Variants in PFN2 observed in about 807,000 individuals in gnomAD.
PFN2 encodes profilin 2.
PFN2 carries 8 observed loss-of-function variants against 15.3 expected under a neutral mutation model. The ratio of observed to expected loss-of-function variants is 0.52; its 90% CI spans 0.31 to 0.95. PFN2 has a LOEUF of 0.95. PFN2 is among the 40% of genes least tolerant of loss of function. The pLI, the probability that PFN2 is intolerant of heterozygous loss-of-function variation, is 0.05. For synonymous variants in PFN2, 79 were observed against 67.9 expected, an observed-to-expected ratio of 1.16 and a Z score of -0.81; for missense variants, 111 against 182.3, an observed-to-expected ratio of 0.61 and a Z score of 2.25.
At position 149,966,103 on chromosome 3, in the gene PFN2, A is replaced by G; in HGVS notation, c.*386T>C. The G allele has an allele frequency of 6.4e-7, 1 of 1,568,328 alleles. No individual in the cohort carries two copies. Among genetic ancestry groups the G allele is most frequent in the African/African-American group, 1.4e-5 (1 of 73,264 alleles). On this transcript the variant is annotated 3_prime_UTR_variant, in exon 3 of 3. Coordinates refer to ENST00000239940, the MANE Select transcript of PFN2 (RefSeq NM_053024.4). ...AATTAGCTACCATCTACAGTTTGGT[A>G]GCATTGTGACCATAATTAGGGTTGT...
In PFN2 at chr3:149,970,878, G is replaced by A; in HGVS notation, c.-22C>T. The A allele has an allele frequency of 3.0e-6, 4 of 1,344,108 alleles. No homozygotes were observed. The highest frequency in any genetic ancestry group is 6.6e-5 in the East Asian group (2 of 30,230). 83.3% of individuals were successfully genotyped at this position (1,344,108 alleles called of 1,614,324 possible). A position where few individuals can be genotyped will look rare whatever the true frequency, so the allele number is the denominator to read the frequency against. ...CCATCTTCGAGCCCTTCGCACTGCA[G>A]CGCGGACGGCGAGGAGCAGCAGGCG... On this transcript the variant is annotated 5_prime_UTR_variant, in exon 1 of 3. Transcript: ENST00000239940.
chr3:149,965,162 A>G lies in PFN2; in HGVS notation c.*1327T>C. ...AAGAAACCCTTAATAGGTCAGTTAA[A>G]ATCCATCTCACAATAGCAACAGTTC... On this transcript the variant is annotated 3_prime_UTR_variant, in exon 3 of 3. Coordinates refer to ENST00000239940, the MANE Select transcript of PFN2 (RefSeq NM_053024.4). 2 of 1,377,398 alleles carry G rather than the reference A, an allele frequency of 1.5e-6. No individual in the cohort carries two copies. Among genetic ancestry groups the G allele is most frequent in the Non-Finnish European group, 2.0e-6 (2 of 1,025,388 alleles). The allele number at this position is 1,377,398 out of a possible 1,614,324, so 85.3% of individuals were successfully genotyped here. A position where few individuals can be genotyped will look rare whatever the true frequency, so the allele number is the denominator to read the frequency against.
chr3:149,966,357 A>T lies in PFN2; in HGVS notation c.*132T>A. On this transcript the variant is annotated 3_prime_UTR_variant, in exon 3 of 3. Coordinates refer to ENST00000239940, the MANE Select transcript of PFN2 (RefSeq NM_053024.4). The stretch of plus-strand genomic sequence containing the variant: ...GACACCTTTCCCCACCAACAGAGGG[A>T]TACAAAGGAGACACAGGTTCATACC... 6.3e-7 allele frequency: 1 copy of T among 1,590,862 alleles called. No individual in the cohort carries two copies. Among genetic ancestry groups the T allele is most frequent in the Non-Finnish European group, 8.5e-7 (1 of 1,170,126 alleles).
rs573200914 is a variant in PFN2, at chr3:149,964,969, T to A, written c.*1520A>T. The A allele has an allele frequency of 8.1e-5, 33 of 409,468 alleles. 1 individual carries two copies. The highest frequency in any genetic ancestry group is 6.6e-4 in the Middle Eastern group (1 of 1,526). The allele number at this position is 409,468 out of a possible 1,614,324, so 25.4% of individuals were successfully genotyped here. ...GTGTTTAATAGTTATGGCATTTTTTTAAATGCATATTAAATCAGATGAGTT... is the reference window on the plus strand; with the variant it reads ...GTGTTTAATAGTTATGGCATTTTTTAAAATGCATATTAAATCAGATGAGTT... On this transcript the variant is annotated 3_prime_UTR_variant, in exon 3 of 3. Transcript: ENST00000239940.
At chr3:149,970,100 C>G (rs1422568282) in intron 1 of PFN2, among the ~76,000 whole-genome samples, 2 of 151,940 alleles carry the variant, frequency 1.3e-5, no homozygotes, top group Non-Finnish European at 2.9e-5. Flanking sequence ...TCGAGATTCA[C>G]GAATCCACCT....
Position 149,968,354 on chromosome 3 carries a change from T to G in PFN2, c.325+4A>C. The G allele has an allele frequency of 6.2e-7, 1 of 1,612,662 alleles. No individual in the cohort carries two copies. Among genetic ancestry groups the G allele is most frequent in the Non-Finnish European group, 8.5e-7 (1 of 1,179,126 alleles). On this transcript the variant is annotated splice_donor_region_variant and intron_variant, in intron 2 of 2. Transcript: ENST00000239940. The stretch of plus-strand genomic sequence containing the variant: ...AACTTTAACCAAAAGAATGCCTTAC[T>G]CACCTCTACCAGCTCTGCCGACAGC...
rs1722688840 is a variant in PFN2 at position 149,966,307 on chromosome 3, T to C, written c.*182A>G. On this transcript the variant is annotated 3_prime_UTR_variant, in exon 3 of 3. Transcript: ENST00000239940. ...ACAAAACAAAAGTGAACAGAATTAT[T>C]TTGGGGGGGGAGGGCAGAAAGAAAG... 2 of 1,607,788 alleles carry C rather than the reference T, an allele frequency of 1.2e-6. No homozygotes were observed. The highest frequency in any genetic ancestry group is 1.7e-6 in the Non-Finnish European group (2 of 1,177,412).
At position 149,970,882 on chromosome 3, in the gene PFN2, G is replaced by A. The variant is rs1339324412; in HGVS notation, c.-26C>T. 51 of 1,333,744 alleles carry A rather than the reference G, an allele frequency of 3.8e-5. No individual in the cohort carries two copies. Among genetic ancestry groups the A allele is most frequent in the Non-Finnish European group, 4.9e-5 (50 of 1,024,246 alleles). 82.6% of individuals were successfully genotyped at this position (1,333,744 alleles called of 1,614,324 possible). A position where few individuals can be genotyped will look rare whatever the true frequency, so the allele number is the denominator to read the frequency against. Reference sequence around the variant, plus strand: ...CTTCGAGCCCTTCGCACTGCAGCGCGGACGGCGAGGAGCAGCAGGCGCAGC... The same window carrying A: ...CTTCGAGCCCTTCGCACTGCAGCGCAGACGGCGAGGAGCAGCAGGCGCAGC... On this transcript the variant is annotated 5_prime_UTR_variant, in exon 1 of 3. Coordinates refer to ENST00000239940, the MANE Select transcript of PFN2 (RefSeq NM_053024.4).
In PFN2 at chr3:149,970,713, A is replaced by T; in HGVS notation, c.132+12T>A. On this transcript the variant is annotated intron_variant, in intron 1 of 2. Coordinates refer to ENST00000239940, the MANE Select transcript of PFN2 (RefSeq NM_053024.4). ...TGCAGGGACCAGGGTACCGGCCGCC[A>T]CTGGTCCTCACCGTAATGCTCTGAA... 1 of 1,499,326 alleles carries T rather than the reference A, an allele frequency of 6.7e-7. No homozygotes were observed. Among genetic ancestry groups the T allele is most frequent in the Admixed American group, 2.1e-5 (1 of 46,522 alleles). The allele number at this position is 1,499,326 out of a possible 1,614,324, so 92.9% of individuals were successfully genotyped here. A position where few individuals can be genotyped will look rare whatever the true frequency, so the allele number is the denominator to read the frequency against.
rs1441936549 is a variant in PFN2 at position 149,965,544 on chromosome 3, CA to C, written c.*944del. 5 of 1,305,928 alleles carry C rather than the reference CA, an allele frequency of 3.8e-6. No homozygotes were observed. In the Admixed American group the frequency reaches 1.8e-4, roughly 48 times the overall value. 80.9% of individuals were successfully genotyped at this position (1,305,928 alleles called of 1,614,324 possible). A position where few individuals can be genotyped will look rare whatever the true frequency, so the allele number is the denominator to read the frequency against. On this transcript the variant is annotated 3_prime_UTR_variant, in exon 3 of 3. Coordinates refer to ENST00000239940, the MANE Select transcript of PFN2 (RefSeq NM_053024.4). ...TTGCACTCTTCATATGTCCTGTAGA[CA>C]CTATGAATAAAGGTTTGTCTCTGCT...
rs190814438 is a variant in PFN2 at position 149,966,313 on chromosome 3, G to T, written c.*176C>A. 4.3e-5 allele frequency: 69 copies of T among 1,605,746 alleles called. 1 individual carries two copies. The East Asian group carries it at 1.1e-3, about 25-fold the overall frequency. On this transcript the variant is annotated 3_prime_UTR_variant, in exon 3 of 3. Transcript: ENST00000239940. ...CAAAAGTGAACAGAATTATTTTGGG[G>T]GGGGAGGGCAGAAAGAAAGACACCT... is the stretch of plus-strand genomic sequence containing the variant.
At chr3:149,970,142 A>C (rs1245746483) in intron 1 of PFN2, among the ~76,000 whole-genome samples, 1 of 151,964 alleles carries the variant, frequency 6.6e-6, no homozygotes, top group Non-Finnish European at 1.5e-5. Context: ...CGCAAGCCCC[A>C]GAGGCCTGGA....
chr3:149,965,945 T>C lies in PFN2; in HGVS notation c.*544A>G. On this transcript the variant is annotated 3_prime_UTR_variant, in exon 3 of 3. Transcript: ENST00000239940. ...ACTTGGCATGCCCCCTCCCCCCAATTTCAAGGTATCATGCAAATCATTATT... is the reference window on the plus strand; with the variant it reads ...ACTTGGCATGCCCCCTCCCCCCAATCTCAAGGTATCATGCAAATCATTATT... 7.5e-7 allele frequency: 1 copy of C among 1,327,044 alleles called. No homozygotes were observed. The highest frequency in any genetic ancestry group is 2.1e-5 in the South Asian group (1 of 47,324). The allele number at this position is 1,327,044 out of a possible 1,614,324, so 82.2% of individuals were successfully genotyped here.
chr3:149,966,147 G>A lies in PFN2; in HGVS notation c.*342C>T. The A allele has an allele frequency of 6.2e-7, 1 of 1,609,464 alleles. No individual in the cohort carries two copies. The highest frequency in any genetic ancestry group is 8.5e-7 in the Non-Finnish European group (1 of 1,178,066). ...GGGTTGTTGATGAAGACAGTTGCTA[G>A]GTAGATGGGGAGAGGCTGCTTACAC... is the stretch of plus-strand genomic sequence containing the variant. On this transcript the variant is annotated 3_prime_UTR_variant, in exon 3 of 3. Transcript: ENST00000239940.
Position 149,965,983 on chromosome 3 carries a change from T to C in PFN2, c.*506A>G. 1 of 1,388,212 alleles carries C rather than the reference T, an allele frequency of 7.2e-7. No individual in the cohort carries two copies. Among genetic ancestry groups the C allele is most frequent in the Non-Finnish European group, 9.3e-7 (1 of 1,075,226 alleles). The allele number at this position is 1,388,212 out of a possible 1,614,324, so 86.0% of individuals were successfully genotyped here. A position where few individuals can be genotyped will look rare whatever the true frequency, so the allele number is the denominator to read the frequency against. ...GCAAATCATTATTGTGCTGCAATTATGTTGCCAGATAAGGGTTGGTTACAT... is the reference window on the plus strand; with the variant it reads ...GCAAATCATTATTGTGCTGCAATTACGTTGCCAGATAAGGGTTGGTTACAT... On this transcript the variant is annotated 3_prime_UTR_variant, in exon 3 of 3. Coordinates refer to ENST00000239940, the MANE Select transcript of PFN2 (RefSeq NM_053024.4).
chr3:149,965,355 C>A lies in PFN2; in HGVS notation c.*1134G>T. ...ATGGTTATGTTGGGATACCTAATGT[C>A]CATAATGGCAGCCTTTTACAATTTT... On this transcript the variant is annotated 3_prime_UTR_variant, in exon 3 of 3. Transcript: ENST00000239940. 6.7e-7 allele frequency: 1 copy of A among 1,497,026 alleles called. No individual in the cohort carries two copies. The highest frequency in any genetic ancestry group is 1.3e-5 in the South Asian group (1 of 76,862). The allele number at this position is 1,497,026 out of a possible 1,614,324, so 92.7% of individuals were successfully genotyped here. A position where few individuals can be genotyped will look rare whatever the true frequency, so the allele number is the denominator to read the frequency against.
chr3:149,965,046 C>T lies in PFN2; in HGVS notation c.*1443G>A. ...GCAGGGAAAGAAATGGACAAATCAGCAACAAGATTTGTTTTTAAATCTGTA... is the reference window on the plus strand; with the variant it reads ...GCAGGGAAAGAAATGGACAAATCAGTAACAAGATTTGTTTTTAAATCTGTA... On this transcript the variant is annotated 3_prime_UTR_variant, in exon 3 of 3. Coordinates refer to ENST00000239940, the MANE Select transcript of PFN2 (RefSeq NM_053024.4). The T allele has an allele frequency of 3.7e-6, 2 of 533,696 alleles. No individual in the cohort carries two copies. Among genetic ancestry groups the T allele is most frequent in the Non-Finnish European group, 6.5e-6 (2 of 309,018 alleles). 33.1% of individuals were successfully genotyped at this position (533,696 alleles called of 1,614,324 possible).
chr3:149,965,739 G>GA lies in PFN2; in HGVS notation c.*749dup. On this transcript the variant is annotated 3_prime_UTR_variant, in exon 3 of 3. Coordinates refer to ENST00000239940, the MANE Select transcript of PFN2 (RefSeq NM_053024.4). The stretch of plus-strand genomic sequence containing the variant: ...GGGCGGGAAAAAGAGAAGAGTGAAG[G>GA]AATGATGCATGCACTTTTTCCTCCC... 1.9e-6 allele frequency: 2 copies of GA among 1,042,156 alleles called. No individual in the cohort carries two copies. The highest frequency in any genetic ancestry group is 2.3e-6 in the Non-Finnish European group (2 of 866,116). The allele number at this position is 1,042,156 out of a possible 1,614,324, so 64.6% of individuals were successfully genotyped here.
chr3:149,968,060 C>A, intron 2 of PFN2: 1 of 277,872 alleles, frequency 3.6e-6, no homozygotes, highest in Non-Finnish European at 6.7e-6. Context: ...CAATCTGAAA[C>A]ACCACAGGAT....
Sources: gnomAD v4.1 joint callset for allele counts (sites outside exome capture counted in the v4.1 genomes callset) on GRCh38, gnomAD v4.1.1 for gene constraint, MANE v1.5 for transcripts, NCBI Gene and HGNC (gene_info 2026-07-23, HGNC 2026-07-21) for gene names.